Variants in TRIM36 observed in about 807,000 individuals in gnomAD.
TRIM36 encodes the protein tripartite motif containing 36.
Under a neutral mutation model 72.4 loss-of-function variants are expected in TRIM36, and 42 were observed. That is an observed-to-expected ratio of 0.58 (90% CI 0.45 to 0.75). The LOEUF (loss-of-function observed/expected upper bound fraction) is 0.75. Among genes scored for constraint, TRIM36 ranks in the 30% least tolerant of loss-of-function variants. The pLI is 0.00. For synonymous variants in TRIM36, 315 were observed against 282.8 expected (o/e 1.11, Z -1.14); for missense variants, 913 against 857.1 (o/e 1.07, Z -0.81).
intron 4 of TRIM36, among the ~76,000 whole-genome samples, chr5:115,143,612 T>A (rs1371548944): frequency 1.3e-5 from 2 of 151,964 alleles, no homozygotes; most frequent in Admixed American, 6.6e-5. Context: ...GAGCACAACA[T>A]AAATATAAAA....
In TRIM36 at chr5:115,141,273, A is replaced by G; in HGVS notation, c.831+6T>C. 6.3e-7 allele frequency: 1 copy of G among 1,575,740 alleles called. No individual in the cohort carries two copies. The highest frequency in any genetic ancestry group is 8.6e-7 in the Non-Finnish European group (1 of 1,159,064). On this transcript the variant is annotated splice_donor_region_variant and intron_variant, in intron 5 of 9. Transcript: ENST00000513154. ...TTTAAAATATGCAAGCTAGTTTATC[A>G]CTTACCTCTGTTTCTTTCATTAACA...
At chr5:115,148,478 C>T in intron 2 of TRIM36, 1 of 460,412 alleles carries the variant, frequency 2.2e-6, no homozygotes, top group East Asian at 2.0e-4. Flanking sequence ...GGAGTGTGAT[C>T]TCGGCTCACT....
At position 115,143,236 on chromosome 5, in the gene TRIM36, A is replaced by C. The variant is rs867834329; in HGVS notation, c.735+1362T>G. Among the ~76,000 whole-genome samples, 484 of 150,874 alleles carry C rather than the reference A, an allele frequency of 3.2e-3. 3 individuals carry two copies. Among genetic ancestry groups the C allele is most frequent in the Middle Eastern group, 0.014 (4 of 288 alleles). ...CACCAGCCAGACAAAAAAAAAAAAA[A>C]AAAAAAAAAAAAACAAATCTCTAAA... is the stretch of plus-strand genomic sequence containing the variant. On this transcript the variant is annotated intron_variant, in intron 4 of 9. Coordinates refer to ENST00000513154, the MANE Select transcript of TRIM36 (RefSeq NM_001300759.2).
intron 8 of TRIM36, among the ~76,000 whole-genome samples, chr5:115,133,572 C>G (rs1752802861): frequency 6.6e-6 from 1 of 152,084 alleles, no homozygotes; most frequent in South Asian, 2.1e-4. Context: ...AGCATTTATG[C>G]TATTTAAATC....
intron 1 of TRIM36, chr5:115,168,839 T>G (rs961067660): frequency 6.6e-6 from 1 of 152,268 alleles, no homozygotes; most frequent in Non-Finnish European, 1.5e-5. Flanking sequence ...CCATTTTATG[T>G]ATAAATATGG....
chr5:115,126,496 G>A lies in TRIM36; in HGVS notation c.*7C>T, dbSNP rs1465003080. On this transcript the variant is annotated 3_prime_UTR_variant, in exon 10 of 10. Coordinates refer to ENST00000513154, the MANE Select transcript of TRIM36 (RefSeq NM_001300759.2). ...GTTTTTATCCTGAGTCACATCAGAT[G>A]TTTCAACTACATGTCCTCTTGGTAT... 3 of 1,598,548 alleles carry A rather than the reference G, an allele frequency of 1.9e-6. No individual in the cohort carries two copies. The South Asian group carries it at 3.3e-5, about 18-fold the overall frequency.
At chr5:115,153,908 C>T (rs1754026457) in intron 2 of TRIM36, 1 of 152,150 alleles carries the variant, frequency 6.6e-6, no homozygotes, top group African/African-American at 2.4e-5. Context: ...GGAACTTTCT[C>T]CAAGACAGAC....
At chr5:115,127,956 A>G (rs559985961) in intron 9 of TRIM36, among the ~76,000 whole-genome samples, 3 of 152,212 alleles carry the variant, frequency 2.0e-5, no homozygotes, top group Admixed American at 2.0e-4. Flanking sequence ...GAAGTGGAAG[A>G]CGATGATATT....
chr5:115,129,822 T>G (rs1298125386), intron 9 of TRIM36, among the ~76,000 whole-genome samples: 1 of 152,224 alleles, frequency 6.6e-6, no homozygotes, highest in Non-Finnish European at 1.5e-5. Context: ...TCAATATGCC[T>G]ATGTTGCTTT....
upstream of TRIM36, among the ~76,000 whole-genome samples, chr5:115,171,625 A>C (rs917703021): frequency 1.3e-5 from 2 of 152,200 alleles, no homozygotes; most frequent in Non-Finnish European, 2.9e-5. Context: ...GACACAGTAA[A>C]AGTGATTAGA....
intron 1 of TRIM36, among the ~76,000 whole-genome samples, chr5:115,165,618 T>C (rs915812563): frequency 1.3e-5 from 2 of 152,198 alleles, no homozygotes; most frequent in African/African-American, 2.4e-5. Flanking sequence ...GCTGCAAAGA[T>C]GCTGGCTGCA....
chr5:115,169,953 G>A (rs1755019146), upstream of TRIM36: 1 of 1,218,920 alleles, frequency 8.2e-7, no homozygotes, highest in Admixed American at 4.5e-5. Context: ...GGCACCGCGG[G>A]GCGTGGACAG....
chr5:115,146,488 C>T (rs915176786), intron 3 of TRIM36, among the ~76,000 whole-genome samples: 2 of 152,072 alleles, frequency 1.3e-5, no homozygotes, highest in Admixed American at 1.3e-4. Flanking sequence ...CACAGCAGGG[C>T]AAACAATACA....
intron 2 of TRIM36, among the ~76,000 whole-genome samples, chr5:115,159,342 T>A (rs2112892432): frequency 6.6e-6 from 1 of 152,378 alleles, no homozygotes; most frequent in East Asian, 1.9e-4. Flanking sequence ...ATGTAAAGGA[T>A]GTTTTAAGAT....
intron 1 of TRIM36, chr5:115,177,593 CAG>C (rs1395004516): frequency 6.9e-6 from 10 of 1,456,652 alleles, no homozygotes; most frequent in Middle Eastern, 2.4e-4. Flanking sequence ...ACACACAAAA[CAG>C]GGGTCTTAAA....
chr5:115,177,718 C>T, intron 1 of TRIM36: 1 of 1,614,020 alleles, frequency 6.2e-7, no homozygotes, highest in Non-Finnish European at 8.5e-7. Context: ...CTCTCCCCCT[C>T]CAACCCCCAC....
chr5:115,144,783 G>A (rs537075633), intron 3 of TRIM36, 39 bp from the exon 4 acceptor site: 1 of 1,554,200 alleles, frequency 6.4e-7, no homozygotes, highest in South Asian at 1.2e-5. Context: ...AAGGATCTAG[G>A]TTTCAAGTAA....
At chr5:115,143,429 A>G (rs1437022898) in intron 4 of TRIM36, among the ~76,000 whole-genome samples, 1 of 152,150 alleles carries the variant, frequency 6.6e-6, no homozygotes, top group Non-Finnish European at 1.5e-5. Flanking sequence ...ATACAAAACT[A>G]TCCAATAGCT....
At chr5:115,158,134 TGAAA>T (rs1554064616) in intron 2 of TRIM36, among the ~76,000 whole-genome samples, 1 of 151,566 alleles carries the variant, frequency 6.6e-6, no homozygotes, top group Non-Finnish European at 1.5e-5. Context: ...ATTTTAAAAA[TGAAA>T]GAAAGAAAAG....
Sources: allele counts gnomAD v4.1 joint callset (sites outside exome capture counted in the v4.1 genomes callset), GRCh38; gene constraint gnomAD v4.1.1; transcripts MANE v1.5; gene names NCBI Gene and HGNC (gene_info 2026-07-23, HGNC 2026-07-21).